TRIP6: variants seen among roughly 807,000 people sequenced by gnomAD.
TRIP6 encodes thyroid receptor-interacting protein 6.
In TRIP6, 33 loss-of-function variants were observed where a neutral mutation model predicts 51.9. That is an observed-to-expected ratio of 0.64 (90% CI 0.48 to 0.85). The LOEUF is 0.85. Ranked by LOEUF, TRIP6 falls within the 40% of genes least tolerant of loss-of-function variation. The pLI is 0.00. For synonymous variants in TRIP6, 255 were observed against 275.8 expected (o/e 0.92, Z 0.75); for missense variants, 661 against 652.1 (o/e 1.01, Z -0.15).
Position 100,868,230 on chromosome 7 carries a change from A to G in TRIP6, c.360A>G (p.Arg120=). The change falls in exon 3 of 9, where the codon CGA becomes CGG. Residue 120 remains arginine (R), a synonymous_variant. Transcript: ENST00000200457. ...GTCATGCGTCACGGCGACCAGACCG[A>G]CAGGTGACTCTGCCCCTCCTCCCCG... is the stretch of plus-strand genomic sequence containing the variant. ...GRGHASRRPD[R]QAYEPPPPPA... 6.2e-7 allele frequency: 1 copy of G among 1,607,472 alleles called. No homozygotes were observed. The highest frequency in any genetic ancestry group is 8.5e-7 in the Non-Finnish European group (1 of 1,176,716).
chr7:100,867,856 C>T lies in TRIP6; in HGVS notation c.110-5C>T. 1.3e-6 allele frequency: 2 copies of T among 1,542,992 alleles called. No homozygotes were observed. The highest frequency in any genetic ancestry group is 1.7e-6 in the Non-Finnish European group (2 of 1,152,528). Reference sequence around the variant, plus strand: ...CCACCTTTGATTTCTCTTCCCTCAACCCAGCACTCCAGCCCCACCCCAGGG... The same window carrying T: ...CCACCTTTGATTTCTCTTCCCTCAATCCAGCACTCCAGCCCCACCCCAGGG... On this transcript the variant is annotated splice_polypyrimidine_tract_variant and splice_region_variant and intron_variant, in intron 1 of 8. Transcript: ENST00000200457. This position sits in a 1 kb window ranked among gnomAD's most constrained non-coding sequence, Gnocchi z 5.4.
Position 100,867,466 on chromosome 7 carries a change from A to C in TRIP6, c.-32A>C. ...TGAAGGCCAGAGGCTCGGGGCTTCA[A>C]GACCGCTGTCTGGAGTCCCCCTTTC... On this transcript the variant is annotated 5_prime_UTR_variant, in exon 1 of 9. Coordinates refer to ENST00000200457, the MANE Select transcript of TRIP6 (RefSeq NM_003302.3). The surrounding 1 kb of genome is among the most constrained non-coding windows in gnomAD (Gnocchi z 5.4). 7.1e-7 allele frequency: 1 copy of C among 1,408,388 alleles called. No individual in the cohort carries two copies. Among genetic ancestry groups the C allele is most frequent in the South Asian group, 1.5e-5 (1 of 68,004 alleles). The allele number at this position is 1,408,388 out of a possible 1,614,324, so 87.2% of individuals were successfully genotyped here. A position where few individuals can be genotyped will look rare whatever the true frequency, so the allele number is the denominator to read the frequency against.
chr7:100,871,044 G>C (rs1016479036), intron 6 of TRIP6: 6 of 560,750 alleles, frequency 1.1e-5, no homozygotes, highest in Admixed American at 6.7e-5. Context: ...TTTGTTTTTT[G>C]TTTTTTTTTG....
rs1282425226 is a variant in TRIP6, at chr7:100,871,548, C to T, written c.1005C>T (p.Thr335=). The T allele has an allele frequency of 6.2e-7, 1 of 1,613,446 alleles. No homozygotes were observed. The highest frequency in any genetic ancestry group is 8.5e-7 in the Non-Finnish European group (1 of 1,179,712). The part of the protein sequence containing the change: ...RAYCEGCYVA[T]LEKCATCSQP... Reference sequence around the variant, plus strand: ...CCTGCCTTCCTTCCCAACAGGCCACCCTGGAGAAATGTGCCACGTGCTCCC... The same window carrying T: ...CCTGCCTTCCTTCCCAACAGGCCACTCTGGAGAAATGTGCCACGTGCTCCC... Residue 335 remains threonine (T), a synonymous_variant, in exon 7 of 9, where the codon ACC becomes ACT. Coordinates refer to ENST00000200457, the MANE Select transcript of TRIP6 (RefSeq NM_003302.3).
Position 100,870,574 on chromosome 7 carries a change from GC to G in TRIP6, c.832del (p.Gln278SerfsTer129), listed in dbSNP as rs749505433. ...MNHPPSGEYF[G>X]QCGGCGEDVV... Reference sequence around the variant, plus strand: ...TGATGCTGTTTCTCCCTGTCCTCAGGCCAGTGTGGTGGCTGCGGAGAAGATG... The same window carrying G: ...TGATGCTGTTTCTCCCTGTCCTCAGGCAGTGTGGTGGCTGCGGAGAAGATG... On this transcript the variant is annotated frameshift_variant and splice_region_variant, in exon 6 of 9. Coordinates refer to ENST00000200457, the MANE Select transcript of TRIP6 (RefSeq NM_003302.3). LOFTEE classifies it high-confidence loss of function. 3 of 1,613,656 alleles carry G rather than the reference GC, an allele frequency of 1.9e-6. No homozygotes were observed. Among genetic ancestry groups the G allele is most frequent in the Non-Finnish European group, 2.5e-6 (3 of 1,179,804 alleles).
intron 6 of TRIP6, 110 bp from the exon 7 acceptor site, chr7:100,871,433 A>C: frequency 9.8e-7 from 1 of 1,018,652 alleles, no homozygotes; most frequent in East Asian, 5.6e-5. Flanking sequence ...CACATGCAGG[A>C]GGCTGCATGC....
At position 100,871,634 on chromosome 7, in the gene TRIP6, C is replaced by T. The variant is rs1477436269; in HGVS notation, c.1091C>T (p.Thr364Ile). The T allele has an allele frequency of 6.2e-7, 1 of 1,614,152 alleles. No homozygotes were observed. The highest frequency in any genetic ancestry group is 1.1e-5 in the South Asian group (1 of 91,092). ...AAGGCCTACCACCCTGGCTGCTTCA[C>T]CTGCGTGGTGTGTCACCGCGGCCTC... ...MGKAYHPGCFTCVVCHRGLDG... is the reference protein window; with the variant it reads ...MGKAYHPGCFICVVCHRGLDG... Residue 364 changes from threonine to isoleucine, a missense_variant, in exon 7 of 9, where the codon ACC (threonine) becomes ATC (isoleucine). Thr to Ile is a moderately conservative substitution (Grantham distance 89). Coordinates refer to ENST00000200457, the MANE Select transcript of TRIP6 (RefSeq NM_003302.3).
Position 100,867,527 on chromosome 7 carries a change from G to A in TRIP6, c.30G>A (p.Lys10=). 3 of 1,515,480 alleles carry A rather than the reference G, an allele frequency of 2.0e-6. No homozygotes were observed. Among genetic ancestry groups the A allele is most frequent in the South Asian group, 1.2e-5 (1 of 80,948 alleles). 93.9% of individuals were successfully genotyped at this position (1,515,480 alleles called of 1,614,324 possible). Residue 10 remains lysine (K), a synonymous_variant, in exon 1 of 9, where the codon AAG becomes AAA. Coordinates refer to ENST00000200457, the MANE Select transcript of TRIP6 (RefSeq NM_003302.3). This position sits in a 1 kb window ranked among gnomAD's most constrained non-coding sequence, Gnocchi z 5.4. The stretch of plus-strand genomic sequence containing the variant: ...CGGGGCCCACCTGGCTGCCCCCGAA[G>A]CAGCCGGAGCCCGCCAGAGCCCCTC... The part of the protein sequence containing the change: MSGPTWLPP[K]QPEPARAPQG...
rs906921616 is a variant in TRIP6, at chr7:100,867,971, G to A, written c.220G>A (p.Val74Ile). ...RGPAWVGSHG[V>I]LQHTQGLPAD... ...GCCGGCGTGGGTGGGGTCCCATGGA[G>A]TACTCCAGCACACGCAGGTGAGACC... Residue 74 changes from valine (V) to isoleucine (I), a missense_variant, in exon 2 of 9, where the codon GTA (valine) becomes ATA (isoleucine). By Grantham distance (29) the Val-to-Ile change is conservative (BLOSUM62 3). Transcript: ENST00000200457. The surrounding 1 kb of genome is among the most constrained non-coding windows in gnomAD (Gnocchi z 5.4). 2.0e-6 allele frequency: 3 copies of A among 1,515,570 alleles called. No individual in the cohort carries two copies. The highest frequency in any genetic ancestry group is 2.7e-5 in the South Asian group (2 of 74,822). 93.9% of individuals were successfully genotyped at this position (1,515,570 alleles called of 1,614,324 possible).
chr7:100,868,466 T>C, intron 3 of TRIP6, 29 bp from the exon 4 acceptor site: 1 of 1,612,942 alleles, frequency 6.2e-7, no homozygotes, highest in Non-Finnish European at 8.5e-7. Flanking sequence ...GGTCCTTGCT[T>C]ACGACTTCTG....
At chr7:100,871,394 G>T in intron 6 of TRIP6, 149 bp from the exon 7 acceptor site, 1 of 742,140 alleles carries the variant, frequency 1.3e-6, no homozygotes, top group Non-Finnish European at 2.2e-6. Flanking sequence ...CCTGAACTCA[G>T]ATCTGCTCAA....
Position 100,867,414 on chromosome 7 carries a change from A to T in TRIP6, c.-84A>T. ...AAAAAGTTTTCTTTTCTGGAGTCCC[A>T]AACGAGGTGCGGGACGGAAGAGGGG... On this transcript the variant is annotated 5_prime_UTR_variant, in exon 1 of 9. Transcript: ENST00000200457. The surrounding 1 kb of genome is among the most constrained non-coding windows in gnomAD (Gnocchi z 5.4). The T allele has an allele frequency of 9.4e-7, 1 of 1,064,008 alleles. No homozygotes were observed. 65.9% of individuals were successfully genotyped at this position (1,064,008 alleles called of 1,614,324 possible).
intron 7 of TRIP6, 78 bp downstream of exon 7, chr7:100,871,799 C>T: frequency 2.0e-6 from 3 of 1,522,984 alleles, no homozygotes; most frequent in African/African-American, 1.4e-5. Flanking sequence ...CCAGGACTGT[C>T]TCTTCCTGTT....
chr7:100,868,592 C>G lies in TRIP6; in HGVS notation c.461C>G (p.Pro154Arg). 1 of 1,613,042 alleles carries G rather than the reference C, an allele frequency of 6.2e-7. No homozygotes were observed. The highest frequency in any genetic ancestry group is 8.5e-7 in the Non-Finnish European group (1 of 1,180,004). ...LPASPYGGPT[P>R]ASYTTASTPA... ...GCGTCTCCCTATGGGGGCCCCACTC[C>G]AGCCTCTTACACTACCGCCAGCACC... The change falls in exon 4 of 9, where the codon CCA (proline) becomes CGA (arginine). Residue 154 changes from proline (P) to arginine (R), a missense_variant. Transcript: ENST00000200457.
rs568942103 is a variant in TRIP6, at chr7:100,873,229, G to A, written c.1357G>A (p.Gly453Arg). 2.6e-4 allele frequency: 413 copies of A among 1,613,816 alleles called. 5 individuals are homozygous for A. In the South Asian group the frequency reaches 4.4e-3, roughly 17 times the overall value. ...GECQGCYPLD[G>R]HILCKACSAW... ...GTGTCAGGGCTGCTACCCGCTGGAT[G>A]GGCACATCTTGTGCAAGGCCTGCAG... Residue 453 changes from glycine to arginine, a missense_variant, in exon 9 of 9, where the codon GGG becomes AGG. Physicochemically the swap from Gly to Arg is moderately radical, Grantham distance 125. Transcript: ENST00000200457.
In TRIP6 at chr7:100,871,608, G is replaced by C; in HGVS notation, c.1065G>C (p.Gly355=). The part of the protein sequence containing the change: ...PILDRILRAM[G]KAYHPGCFTC... ...TGGACCGGATCCTGCGGGCTATGGG[G>C]AAGGCCTACCACCCTGGCTGCTTCA... The change falls in exon 7 of 9, where the codon GGG becomes GGC. Residue 355 remains glycine (G), a synonymous_variant. Transcript: ENST00000200457. 6.2e-7 allele frequency: 1 copy of C among 1,614,090 alleles called. No homozygotes were observed. The highest frequency in any genetic ancestry group is 8.5e-7 in the Non-Finnish European group (1 of 1,180,040).
chr7:100,873,419 A>G lies in TRIP6; in HGVS notation c.*116A>G, dbSNP rs372559033. ...ACCAAATGCTGTCTTCTCTTTCTCCAATCAAGAAATAATAATCCCTCGAGT... is the reference window on the plus strand; with the variant it reads ...ACCAAATGCTGTCTTCTCTTTCTCCGATCAAGAAATAATAATCCCTCGAGT... On this transcript the variant is annotated 3_prime_UTR_variant, in exon 9 of 9. Coordinates refer to ENST00000200457, the MANE Select transcript of TRIP6 (RefSeq NM_003302.3). 1.8e-4 allele frequency: 262 copies of G among 1,418,298 alleles called. 2 individuals carry two copies. In the East Asian group the frequency reaches 3.0e-3, roughly 16 times the overall value. 87.9% of individuals were successfully genotyped at this position (1,418,298 alleles called of 1,614,324 possible).
intron 7 of TRIP6, among the ~76,000 whole-genome samples, chr7:100,872,234 T>C (rs1055805648): frequency 2.8e-5 from 4 of 144,068 alleles, no homozygotes; most frequent in Admixed American, 7.6e-5. Flanking sequence ...GCTTTCATCA[T>C]GTTGGCCAGG....
intron 4 of TRIP6, among the ~76,000 whole-genome samples, chr7:100,869,302 T>C (rs1254165248): frequency 6.7e-6 from 1 of 150,194 alleles, no homozygotes; most frequent in African/African-American, 2.4e-5. Flanking sequence ...GGACGTGGAA[T>C]AGGTAAGGGC....
Sources: gnomAD v4.1 joint callset for allele counts (sites outside exome capture counted in the v4.1 genomes callset) on GRCh38, gnomAD v4.1.1 for gene constraint, Gnocchi (gnomAD v3.1) non-coding constraint, MANE v1.5 for transcripts, NCBI Gene and HGNC (gene_info 2026-07-23, HGNC 2026-07-21) for gene names.